VWA5B2: variants seen among roughly 807,000 people sequenced by gnomAD.
The protein encoded by VWA5B2 is von Willebrand factor A domain containing 5B2, also known as von Willebrand factor A domain-containing protein 5B2.
In VWA5B2, 93 loss-of-function variants were observed where a neutral mutation model predicts 118.5. The observed-to-expected ratio is 0.79, with a 90% confidence interval of 0.66 to 0.93. The LOEUF is 0.93. VWA5B2 is among the 40% of genes least tolerant of loss of function. The pLI is 0.00. For missense variants in VWA5B2, 1,546 were observed against 1,672.8 expected (o/e 0.92, Z 1.32); for synonymous variants, 708 against 716.3 (o/e 0.99, Z 0.19).
rs1422031056 is a variant in VWA5B2, at chr3:184,229,727, T to C, written c.-150+14T>C. 6.6e-6 allele frequency among the ~76,000 whole-genome samples: 1 copy of C among 152,082 alleles called. No individual in the cohort carries two copies. Among genetic ancestry groups the C allele is most frequent in the Non-Finnish European group, 1.5e-5 (1 of 67,968 alleles). Reference sequence around the variant, plus strand: ...GAGGGCGCGACGGTGAGGCTGAGACTGCCACAGGGAGCGGGGCGATCCCCA... The same window carrying C: ...GAGGGCGCGACGGTGAGGCTGAGACCGCCACAGGGAGCGGGGCGATCCCCA... On this transcript the variant is annotated intron_variant, in intron 1 of 19. Transcript: ENST00000691901.
At position 184,238,547 on chromosome 3, in the gene VWA5B2, T is replaced by C. The variant is rs1718238318; in HGVS notation, c.1892-16T>C. The C allele has an allele frequency of 2.6e-6, 4 of 1,541,628 alleles. No homozygotes were observed. The highest frequency in any genetic ancestry group is 1.4e-5 in the African/African-American group (1 of 73,034). On this transcript the variant is annotated splice_polypyrimidine_tract_variant and intron_variant, in intron 13 of 19. Transcript: ENST00000691901. This position sits in a 1 kb window ranked among gnomAD's most constrained non-coding sequence, Gnocchi z 5.0. ...GAGGGGTCAGGGCTAGGGCCCATTC[T>C]ACTGCCTCCCAGCAGGTACTGATGC...
chr3:184,233,327 A>G lies in VWA5B2; in HGVS notation c.460A>G (p.Thr154Ala). Residue 154 changes from threonine (T) to alanine (A), a missense_variant, in exon 4 of 20, where the codon ACT (threonine) becomes GCT (alanine). This residue lies in a region of VWA5B2 where 775 missense variants were observed against 882.3 expected (regional missense o/e 0.88). Transcript: ENST00000691901. The surrounding 1 kb of genome is among the most constrained non-coding windows in gnomAD (Gnocchi z 5.2). ...PDGVLHVALP[T>A]VLTPLAPPGP... ...CGGGGTGCTGCATGTGGCCCTGCCC[A>G]CTGTGCTCACCCCGCTGGCCCCGCC... The G allele has an allele frequency of 6.5e-7, 1 of 1,537,086 alleles. No individual in the cohort carries two copies. The highest frequency in any genetic ancestry group is 8.8e-7 in the Non-Finnish European group (1 of 1,140,758).
At position 184,241,871 on chromosome 3, in the gene VWA5B2, G is replaced by T; in HGVS notation, c.3562G>T (p.Glu1188Ter). The T allele has an allele frequency of 6.5e-7, 1 of 1,546,064 alleles. No individual in the cohort carries two copies. The part of the protein sequence containing the change: ...HRCAAAFDEW[E>*]LTAAKADCWL... ...ATGCGCCGCTGCCTTCGACGAGTGGGAACTGACAGCGGCCAAGGCTGATTG... is the reference window on the plus strand; with the variant it reads ...ATGCGCCGCTGCCTTCGACGAGTGGTAACTGACAGCGGCCAAGGCTGATTG... The change falls in exon 20 of 20, where the codon GAA becomes TAA. Residue 1188 changes from glutamate (E) to a stop codon, truncating the protein, a stop_gained. Coordinates refer to ENST00000691901, the MANE Select transcript of VWA5B2 (RefSeq NM_001390846.1). LOFTEE classifies it high-confidence loss of function. The surrounding 1 kb of genome is among the most constrained non-coding windows in gnomAD (Gnocchi z 5.1).
chr3:184,235,369 G>A, intron 8 of VWA5B2, 61 bp downstream of exon 8: 1 of 1,516,016 alleles, frequency 6.6e-7, no homozygotes, highest in Non-Finnish European at 8.9e-7. Flanking sequence ...GTCTGAGGAG[G>A]GCTGGGGGCA....
At chr3:184,235,097 C>T (rs1717827946) in intron 7 of VWA5B2, 56 bp from the exon 8 acceptor site, 2 of 1,526,116 alleles carry the variant, frequency 1.3e-6, no homozygotes, top group Admixed American at 4.0e-5. Flanking sequence ...CACTGCCCAC[C>T]CTCAACAAAG....
intron 3 of VWA5B2, chr3:184,232,518 C>G (rs28603130): frequency 0.29 from 44,598 of 152,044 alleles, 7,180 homozygotes; most frequent in African/African-American, 0.43. Context: ...GGGCTGTGAA[C>G]GTGGGCTGGG....
In VWA5B2 at chr3:184,234,416, C is replaced by T. The variant is rs1402796157; in HGVS notation, c.820+19C>T. On this transcript the variant is annotated intron_variant, in intron 6 of 19. Transcript: ENST00000691901. ...CCCAGTGGTGAGAGACTGGGACACACCGTGGGCCGGCTCTGACCTGCTTCT... is the reference window on the plus strand; with the variant it reads ...CCCAGTGGTGAGAGACTGGGACACATCGTGGGCCGGCTCTGACCTGCTTCT... 2 of 1,551,430 alleles carry T rather than the reference C, an allele frequency of 1.3e-6. No individual in the cohort carries two copies. Among genetic ancestry groups the T allele is most frequent in the Non-Finnish European group, 1.7e-6 (2 of 1,146,808 alleles).
intron 3 of VWA5B2, among the ~76,000 whole-genome samples, chr3:184,231,225 C>G (rs1717369805): frequency 3.3e-5 from 5 of 152,188 alleles, no homozygotes; most frequent in Admixed American, 3.3e-4. Context: ...AGCCTTCTCC[C>G]CTGGTGGTCC....
Position 184,233,723 on chromosome 3 carries a change from C to T in VWA5B2, c.678C>T (p.Cys226=). 9 of 1,550,410 alleles carry T rather than the reference C, an allele frequency of 5.8e-6. No homozygotes were observed. The highest frequency in any genetic ancestry group is 7.0e-6 in the Non-Finnish European group (8 of 1,146,938). The change falls in exon 5 of 20, where the codon TGC becomes TGT. Residue 226 remains cysteine, a synonymous_variant. Coordinates refer to ENST00000691901, the MANE Select transcript of VWA5B2 (RefSeq NM_001390846.1). This position sits in a 1 kb window ranked among gnomAD's most constrained non-coding sequence, Gnocchi z 5.2. ...FSFEMLVTGP[C]LLAGLESPSH... ...TCGAGATGCTGGTGACTGGGCCATG[C>T]CTGCTTGCAGGTGGGTGCATCTGGC...
chr3:184,235,054 G>A, intron 7 of VWA5B2, 99 bp from the exon 8 acceptor site: 1 of 1,393,488 alleles, frequency 7.2e-7, no homozygotes, highest in South Asian at 1.4e-5. Context: ...CCCTCTGGGT[G>A]GATCAGACAG....
intron 8 of VWA5B2, 29 bp downstream of exon 8, chr3:184,235,337 T>G (rs1488293666): frequency 6.5e-7 from 1 of 1,540,566 alleles, no homozygotes; most frequent in Admixed American, 2.0e-5. Context: ...TGGGCAGGCC[T>G]GGGGGTTGGG....
rs1718731987 is a variant in VWA5B2 at position 184,241,844 on chromosome 3, C to A, written c.3535C>A (p.Arg1179=). 1.3e-6 allele frequency: 2 copies of A among 1,536,766 alleles called. No individual in the cohort carries two copies. The highest frequency in any genetic ancestry group is 1.8e-6 in the Non-Finnish European group (2 of 1,142,452). Residue 1179 remains arginine, a synonymous_variant, in exon 20 of 20, where the codon CGA becomes AGA. Transcript: ENST00000691901. This position sits in a 1 kb window ranked among gnomAD's most constrained non-coding sequence, Gnocchi z 5.1. The part of the protein sequence containing the change: ...TAVALAWLEH[R]CAAAFDEWEL... ...CGTAGCACTCGCCTGGCTGGAGCAC[C>A]GATGCGCCGCTGCCTTCGACGAGTG...
chr3:184,237,376 T>C lies in VWA5B2; in HGVS notation c.1684T>C (p.Phe562Leu), dbSNP rs746471078. The change falls in exon 12 of 20, where the codon TTC becomes CTC. Residue 562 changes from phenylalanine (F) to leucine (L), a missense_variant. Transcript: ENST00000691901. The surrounding 1 kb of genome is among the most constrained non-coding windows in gnomAD (Gnocchi z 5.6). ...CCAGCTGCTCGGTTACTGCTCACTCTTCAGGGTGGATGGCTTCCGGTCCCG... is the reference window on the plus strand; with the variant it reads ...CCAGCTGCTCGGTTACTGCTCACTCCTCAGGGTGGATGGCTTCCGGTCCCG... ...GDQLLGYCSL[F>L]RVDGFRSRPP... 9.7e-6 allele frequency: 15 copies of C among 1,550,816 alleles called. No individual in the cohort carries two copies. The African/African-American group carries it at 1.9e-4, about 20-fold the overall frequency.
rs1402590370 is a variant in VWA5B2 at position 184,237,025 on chromosome 3, A to G, written c.1534-201A>G. 6.6e-6 allele frequency among the ~76,000 whole-genome samples: 1 copy of G among 152,102 alleles called. No homozygotes were observed. Among genetic ancestry groups the G allele is most frequent in the Non-Finnish European group, 1.5e-5 (1 of 68,010 alleles). ...CATGTGGCAAAGCTCAGGCCAGGAG[A>G]CAGACCAAATCCTGAGGGCTGAGCA... is the stretch of plus-strand genomic sequence containing the variant. On this transcript the variant is annotated intron_variant, in intron 11 of 19. Transcript: ENST00000691901. This position sits in a 1 kb window ranked among gnomAD's most constrained non-coding sequence, Gnocchi z 5.6.
In VWA5B2 at chr3:184,232,868, A is replaced by G. The variant is rs549357925; in HGVS notation, c.311-310A>G. ...TGAATGGAAAGAGGCAGGCAGGGGG[A>G]GAGGGGCAGAGGGTGTGGGTATTCC... On this transcript the variant is annotated intron_variant, in intron 3 of 19. Coordinates refer to ENST00000691901, the MANE Select transcript of VWA5B2 (RefSeq NM_001390846.1). 36 of 408,608 alleles carry G rather than the reference A, an allele frequency of 8.8e-5. 1 individual carries two copies. The South Asian group carries it at 9.1e-4, about 10-fold the overall frequency. 25.3% of individuals were successfully genotyped at this position (408,608 alleles called of 1,614,324 possible). A position where few individuals can be genotyped will look rare whatever the true frequency, so the allele number is the denominator to read the frequency against.
rs1248378158 is a variant in VWA5B2, at chr3:184,230,865, C to T, written c.258C>T (p.Cys86=). ...GGCGCCGCTCGCAGGCCGCCTGCTG[C>T]CGCGCTCTGGGCCCGGGGCTGGGGA... ...QSRRRSQAAC[C]RALGPGLGTP... is the part of the protein sequence containing the mutation. Residue 86 remains cysteine (C), a synonymous_variant, in exon 3 of 20, where the codon TGC becomes TGT. Coordinates refer to ENST00000691901, the MANE Select transcript of VWA5B2 (RefSeq NM_001390846.1). 8.1e-7 allele frequency: 1 copy of T among 1,241,652 alleles called. No individual in the cohort carries two copies. Among genetic ancestry groups the T allele is most frequent in the Non-Finnish European group, 1.0e-6 (1 of 993,638 alleles). The allele number at this position is 1,241,652 out of a possible 1,614,324, so 76.9% of individuals were successfully genotyped here.
At chr3:184,234,806 AC>A in intron 7 of VWA5B2, 51 bp downstream of exon 7, 1 of 1,549,450 alleles carries the variant, frequency 6.5e-7, no homozygotes, top group African/African-American at 1.4e-5. Flanking sequence ...GCATTTGTGC[AC>A]AAGGAGCAGG....
In VWA5B2 at chr3:184,230,809, G is replaced by A. The variant is rs954591475; in HGVS notation, c.202G>A (p.Gly68Arg). The A allele has an allele frequency of 4.8e-6, 6 of 1,251,370 alleles. No individual in the cohort carries two copies. The highest frequency in any genetic ancestry group is 3.0e-5 in the South Asian group (1 of 33,854). The allele number at this position is 1,251,370 out of a possible 1,614,324, so 77.5% of individuals were successfully genotyped here. ...VVSGFEAEAA[G>R]RRVSFQLQSR... is the part of the protein sequence containing the mutation. ...GTCCGGCTTCGAGGCCGAGGCCGCC[G>A]GACGGCGCGTCTCCTTCCAGCTGCA... The change falls in exon 3 of 20, where the codon GGA (glycine) becomes AGA (arginine). Residue 68 changes from glycine to arginine, a missense_variant. This residue lies in a region of VWA5B2 where 775 missense variants were observed against 882.3 expected (regional missense o/e 0.88). Coordinates refer to ENST00000691901, the MANE Select transcript of VWA5B2 (RefSeq NM_001390846.1).
chr3:184,236,594 C>T (rs1238665656), intron 10 of VWA5B2, 43 bp downstream of exon 10: 12 of 1,547,016 alleles, frequency 7.8e-6, no homozygotes, highest in Non-Finnish European at 1.0e-5. Context: ...TGAGCCCCCA[C>T]AAGGGGCTCC....
Sources: gnomAD v4.1 joint callset for allele counts (sites outside exome capture counted in the v4.1 genomes callset) on GRCh38, gnomAD v4.1.1 for gene constraint, gnomAD v4.1.1 regional missense constraint, Gnocchi (gnomAD v3.1) non-coding constraint, MANE v1.5 for transcripts, NCBI Gene and HGNC (gene_info 2026-07-23, HGNC 2026-07-21) for gene names.